The following RAPSN variants were observed in gnomAD, a reference collection of about 807,000 sequenced individuals.
RAPSN encodes receptor associated protein of the synapse.
Under a neutral mutation model 45.7 loss-of-function variants are expected in RAPSN, and 33 were observed. That is an observed-to-expected ratio of 0.72 (90% CI 0.55 to 0.97). The LOEUF (loss-of-function observed/expected upper bound fraction) is 0.97. RAPSN is among the 50% of genes least tolerant of loss of function. The pLI, the probability that RAPSN is intolerant of heterozygous loss-of-function variation, is 0.00. For synonymous variants in RAPSN, 244 were observed against 233.6 expected (o/e 1.04, Z -0.40); for missense variants, 519 against 559.4 (o/e 0.93, Z 0.73).
Position 47,438,027 on chromosome 11 carries a change from G to C in RAPSN, c.1187C>G (p.Thr396Ser), listed in dbSNP as rs747442833. 6.5e-7 allele frequency: 1 copy of C among 1,549,940 alleles called. No homozygotes were observed. The highest frequency in any genetic ancestry group is 2.1e-4 in the Middle Eastern group (1 of 4,672). Reference sequence around the variant, plus strand: ...GCGGCGGCAGTTGGGACAGCTCCGGGTCCCGTTGTTCTGCAGGCACCTGGG... The same window carrying C: ...GCGGCGGCAGTTGGGACAGCTCCGGCTCCCGTTGTTCTGCAGGCACCTGGG... ...FHLRCLQNNGTRSCPNCRRSS... is the reference protein window; with the variant it reads ...FHLRCLQNNGSRSCPNCRRSS... Residue 396 changes from threonine (T) to serine (S), a missense_variant, in exon 8 of 8, where the codon ACC (threonine) becomes AGC (serine). Physicochemically the swap from Thr to Ser is moderately conservative, Grantham distance 58 (BLOSUM62 1). Transcript: ENST00000298854.
At chr11:47,439,676 T>C (rs2076347733) in intron 6 of RAPSN, among the ~76,000 whole-genome samples, 1 of 151,346 alleles carries the variant, frequency 6.6e-6, no homozygotes, top group Admixed American at 6.6e-5. Context: ...GGTGAACCTG[T>C]TTTCAAGATT....
chr11:47,439,452 C>T (rs7130107), intron 6 of RAPSN, among the ~76,000 whole-genome samples: 3,943 of 150,582 alleles, frequency 0.026, 155 homozygotes, highest in South Asian at 0.2. Context: ...CCAGCCTGGG[C>T]TCTAATAGTG....
chr11:47,439,033 G>C, intron 6 of RAPSN, 102 bp from the exon 7 acceptor site: 1 of 1,302,980 alleles, frequency 7.7e-7, no homozygotes, highest in Non-Finnish European at 1.1e-6. Context: ...GATGGACCTT[G>C]GAAAAATGTC....
chr11:47,447,789 G>C (rs184399823), intron 2 of RAPSN, 23 bp downstream of exon 2: 2 of 1,599,436 alleles, frequency 1.3e-6, no homozygotes, highest in Non-Finnish European at 1.7e-6. Context: ...CTCCACTGCT[G>C]TCCCCCTGGG....
Position 47,448,164 on chromosome 11 carries a change from C to T in RAPSN, c.193-14G>A, listed in dbSNP as rs114738594. ...GACCACAGCGAACTGCACACAGCGA[C>T]GGTGGGCAGGTGGTGCTCAGCCTGG... On this transcript the variant is annotated splice_polypyrimidine_tract_variant and intron_variant, in intron 1 of 7. Coordinates refer to ENST00000298854, the MANE Select transcript of RAPSN (RefSeq NM_005055.5). 9.6e-4 allele frequency: 1,539 copies of T among 1,607,052 alleles called. 8 individuals carry two copies. In the African/African-American group the frequency reaches 0.017, roughly 18 times the overall value.
At chr11:47,445,971 C>T (rs2076402570) in intron 2 of RAPSN, among the ~76,000 whole-genome samples, 1 of 151,856 alleles carries the variant, frequency 6.6e-6, no homozygotes, top group Non-Finnish European at 1.5e-5. Flanking sequence ...CTCTGTTGCC[C>T]AGGCTGGAAT....
Position 47,437,796 on chromosome 11 carries a change from G to A in RAPSN, c.*179C>T, listed in dbSNP as rs2076324537. ...CAAACAGTTTATTTTTCTATAAAGAGCAAAGTACAAAGAGGCAGGGAGGGG... is the reference window on the plus strand; with the variant it reads ...CAAACAGTTTATTTTTCTATAAAGAACAAAGTACAAAGAGGCAGGGAGGGG... On this transcript the variant is annotated 3_prime_UTR_variant, in exon 8 of 8. Coordinates refer to ENST00000298854, the MANE Select transcript of RAPSN (RefSeq NM_005055.5). The A allele has an allele frequency of 1.3e-6, 1 of 760,376 alleles. No individual in the cohort carries two copies. Among genetic ancestry groups the A allele is most frequent in the Non-Finnish European group, 2.2e-6 (1 of 445,626 alleles). The allele number at this position is 760,376 out of a possible 1,614,324, so 47.1% of individuals were successfully genotyped here. A position where few individuals can be genotyped will look rare whatever the true frequency, so the allele number is the denominator to read the frequency against.
At chr11:47,444,966 G>GGCA (rs2076393539) in intron 2 of RAPSN, among the ~76,000 whole-genome samples, 1 of 151,776 alleles carries the variant, frequency 6.6e-6, no homozygotes, top group African/African-American at 2.4e-5. Context: ...GCTTATGCCT[G>GGCA]TAATCCCAGC....
chr11:47,442,685 G>C lies in RAPSN; in HGVS notation c.661C>G (p.Arg221Gly), dbSNP rs769989407. ...HMAVAYRLLG[R>G]LGSAMECCEE... is the part of the protein sequence containing the mutation. ...CAACACTCCATGGCACTGCCCAGGC[G>C]GCCCAGCAGGCGATAGGCCACGGCC... The change falls in exon 3 of 8, where the codon CGC (arginine) becomes GGC (glycine). Residue 221 changes from arginine to glycine, a missense_variant. Transcript: ENST00000298854. 6.2e-7 allele frequency: 1 copy of C among 1,614,040 alleles called. No homozygotes were observed. Among genetic ancestry groups the C allele is most frequent in the Non-Finnish European group, 8.5e-7 (1 of 1,180,032 alleles).
rs984979119 is a variant in RAPSN, at chr11:47,439,742, T to G, written c.967-811A>C. 4.1e-5 allele frequency among the ~76,000 whole-genome samples: 6 copies of G among 145,084 alleles called. No homozygotes were observed. The Admixed American group carries it at 4.3e-4, about 10-fold the overall frequency. On this transcript the variant is annotated intron_variant, in intron 6 of 7. Coordinates refer to ENST00000298854, the MANE Select transcript of RAPSN (RefSeq NM_005055.5). ...TTTTTTTTTTTTTTTAGATGGAGTC[T>G]TGCTCTGTCACCCAGGCTGGAGTAC...
At chr11:47,443,446 C>T (rs1177722981) in intron 2 of RAPSN, among the ~76,000 whole-genome samples, 1 of 152,174 alleles carries the variant, frequency 6.6e-6, no homozygotes, top group African/African-American at 2.4e-5. Context: ...CCTCCTGTCT[C>T]CACCAGATCT....
chr11:47,445,401 C>T (rs1240435745), intron 2 of RAPSN, among the ~76,000 whole-genome samples: 3 of 151,436 alleles, frequency 2.0e-5, no homozygotes, highest in Non-Finnish European at 2.9e-5. Flanking sequence ...TTGAGACCAT[C>T]CTGGCCAACA....
At chr11:47,444,740 C>T (rs1284487180) in intron 2 of RAPSN, among the ~76,000 whole-genome samples, 1 of 150,948 alleles carries the variant, frequency 6.6e-6, no homozygotes, top group African/African-American at 2.4e-5. Context: ...TGCCTGTGGT[C>T]CCAGCTACTT....
At chr11:47,439,233 G>C (rs2076342974) in intron 6 of RAPSN, among the ~76,000 whole-genome samples, 1 of 152,186 alleles carries the variant, frequency 6.6e-6, no homozygotes, top group Non-Finnish European at 1.5e-5. Context: ...CAGCACTTGG[G>C]GAGGCCGAGG....
chr11:47,443,215 C>A (rs1243657608), intron 2 of RAPSN, among the ~76,000 whole-genome samples: 1 of 152,206 alleles, frequency 6.6e-6, no homozygotes, highest in African/African-American at 2.4e-5. Context: ...CTAGAGCTTG[C>A]CTGCTGGCAC....
intron 3 of RAPSN, among the ~76,000 whole-genome samples, 184 bp downstream of exon 3, chr11:47,442,472 C>T (rs2076372971): frequency 1.3e-5 from 2 of 152,230 alleles, no homozygotes; most frequent in Admixed American, 1.3e-4. Flanking sequence ...TAGTGAGACC[C>T]CGTCTCTACA....
At position 47,447,651 on chromosome 11, in the gene RAPSN, A is replaced by G. The variant is rs78647153; in HGVS notation, c.531+161T>C. On this transcript the variant is annotated intron_variant, in intron 2 of 7. Coordinates refer to ENST00000298854, the MANE Select transcript of RAPSN (RefSeq NM_005055.5). Reference sequence around the variant, plus strand: ...CTCTGCCCTTGCTGGCTTCCTGGCCAAGTTGTTACCTTCCTGGATAAGCCT... The same window carrying G: ...CTCTGCCCTTGCTGGCTTCCTGGCCGAGTTGTTACCTTCCTGGATAAGCCT... Among the ~76,000 whole-genome samples the G allele has an allele frequency of 0.011, 1,666 of 152,188 alleles. 17 individuals are homozygous for G. The highest frequency in any genetic ancestry group is 0.021 in the Middle Eastern group (6 of 292).
In RAPSN at chr11:47,445,593, C is replaced by CAAAAAA. The variant is rs61001294; in HGVS notation, c.531+2213_531+2218dup. On this transcript the variant is annotated intron_variant, in intron 2 of 7. Transcript: ENST00000298854. Reference sequence around the variant, plus strand: ...CCTAGGCAACAGAGCGAGACTGTCTCAAAAAAAAAAAAAAAAAAAAAAGCC... The same window carrying CAAAAAA: ...CCTAGGCAACAGAGCGAGACTGTCTCAAAAAAAAAAAAAAAAAAAAAAAAAAAAGCC... 5.3e-4 allele frequency among the ~76,000 whole-genome samples: 31 copies of CAAAAAA among 58,282 alleles called. 1 individual carries two copies. Among genetic ancestry groups the CAAAAAA allele is most frequent in the African/African-American group, 1.6e-3 (24 of 14,966 alleles). 38.2% of individuals were successfully genotyped at this position (58,282 alleles called of 152,430 possible). A position where few individuals can be genotyped will look rare whatever the true frequency, so the allele number is the denominator to read the frequency against.
At chr11:47,447,671 A>T (rs369388438) in intron 2 of RAPSN, 141 bp downstream of exon 2, 1 of 1,013,210 alleles carries the variant, frequency 9.9e-7, no homozygotes, top group African/African-American at 1.6e-5. Context: ...CTTCCTGGAT[A>T]AGCCTTTTTG....
Sources: gnomAD v4.1 joint callset for allele counts (sites outside exome capture counted in the v4.1 genomes callset) on GRCh38, gnomAD v4.1.1 for gene constraint, MANE v1.5 for transcripts, NCBI Gene and HGNC (gene_info 2026-07-23, HGNC 2026-07-21) for gene names.